The following CRBN variants were observed in gnomAD, a reference collection of about 807,000 sequenced individuals.
The protein encoded by CRBN is protein cereblon.
Under a neutral mutation model 62.2 loss-of-function variants are expected in CRBN, and 53 were observed. The observed-to-expected ratio is 0.85, with a 90% CI of 0.68 to 1.07. The LOEUF (loss-of-function observed/expected upper bound fraction) is 1.07. Among genes scored for constraint, CRBN ranks in the 50% least tolerant of loss-of-function variants. The pLI is 0.00. For synonymous variants in CRBN, 208 were observed against 176.1 expected, an observed-to-expected ratio of 1.18 and a Z score of -1.43; for missense variants, 616 against 531.1, an observed-to-expected ratio of 1.16 and a Z score of -1.57.
At chr3:3,154,994 C>A in intron 6 of CRBN, 163 bp from the exon 7 acceptor site, 1 of 633,844 alleles carries the variant, frequency 1.6e-6, no homozygotes, top group African/African-American at 1.8e-5. Context: ...AATGATCAAG[C>A]TCCAGCTCCT....
At position 3,174,169 on chromosome 3, in the gene CRBN, C is replaced by A; in HGVS notation, c.267G>T (p.Met89Ile). The A allele has an allele frequency of 6.2e-7, 1 of 1,614,172 alleles. No homozygotes were observed. Among genetic ancestry groups the A allele is most frequent in the South Asian group, 1.1e-5 (1 of 91,084 alleles). The change falls in exon 3 of 11, where the codon ATG (methionine) becomes ATT (isoleucine). Residue 89 changes from methionine (M) to isoleucine (I), a missense_variant. Coordinates refer to ENST00000231948, the MANE Select transcript of CRBN (RefSeq NM_016302.4). ...GTAATGTCTGTCCGGGAATCAGGAT[C>A]ATCATCACTTGTGGAAGAACTGGAA... ...QVIPVLPQVM[M>I]ILIPGQTLPL...
intron 10 of CRBN, among the ~76,000 whole-genome samples, chr3:3,152,077 A>C (rs1359013213): frequency 6.6e-6 from 1 of 152,098 alleles, no homozygotes; most frequent in African/African-American, 2.4e-5. Flanking sequence ...TCTTCCTTTC[A>C]TTCAATGATA....
chr3:3,165,773 AC>A (rs1159767285), intron 5 of CRBN, among the ~76,000 whole-genome samples: 1 of 151,930 alleles, frequency 6.6e-6, no homozygotes, highest in Admixed American at 6.6e-5. Context: ...GTATGCCTGT[AC>A]CCCCTGAAAA....
In CRBN at chr3:3,176,778, A is replaced by T. The variant is rs370103132; in HGVS notation, c.68-1509T>A. ...AAAATTTTGCAATCATTTGCATACT[A>T]TTTTGCTTAATTTTAAATTTAAAAA... On this transcript the variant is annotated intron_variant, in intron 1 of 10. Transcript: ENST00000231948. Among the ~76,000 whole-genome samples, 331 of 152,326 alleles carry T rather than the reference A, an allele frequency of 2.2e-3. 1 individual carries two copies. Among genetic ancestry groups the T allele is most frequent in the African/African-American group, 7.4e-3 (307 of 41,580 alleles).
chr3:3,151,709 A>G (rs930300317), intron 10 of CRBN, among the ~76,000 whole-genome samples: 1 of 152,212 alleles, frequency 6.6e-6, no homozygotes, highest in African/African-American at 2.4e-5. Context: ...CAAGATACAT[A>G]GTCCTAACCC....
chr3:3,163,025 T>C (rs527787216), intron 5 of CRBN, among the ~76,000 whole-genome samples: 2 of 152,338 alleles, frequency 1.3e-5, no homozygotes, highest in African/African-American at 4.8e-5. Context: ...CTACCAAAGA[T>C]ATCTGCCATC....
At chr3:3,168,461 C>T (rs536996867) in intron 4 of CRBN, among the ~76,000 whole-genome samples, 1 of 152,234 alleles carries the variant, frequency 6.6e-6, no homozygotes, top group African/African-American at 2.4e-5. Context: ...TTGCAAACAT[C>T]TTATCATGAA....
chr3:3,167,437 G>T (rs1261680310), intron 5 of CRBN, 197 bp downstream of exon 5: 4 of 565,222 alleles, frequency 7.1e-6, no homozygotes, highest in Non-Finnish European at 1.3e-5. Flanking sequence ...ACAGCTGTGT[G>T]ACATTTTATT....
intron 4 of CRBN, among the ~76,000 whole-genome samples, chr3:3,168,381 T>C (rs1252685284): frequency 3.3e-5 from 5 of 152,136 alleles, no homozygotes; most frequent in African/African-American, 2.4e-5. Context: ...ATAAATTAGA[T>C]TTTTTCTTAA....
chr3:3,170,728 G>T (rs1372073385), intron 4 of CRBN, among the ~76,000 whole-genome samples: 1 of 152,170 alleles, frequency 6.6e-6, no homozygotes, highest in Non-Finnish European at 1.5e-5. Context: ...CTTATGAGAG[G>T]CCTTAATAAT....
chr3:3,153,710 G>A (rs953762977), intron 8 of CRBN: 1 of 613,962 alleles, frequency 1.6e-6, no homozygotes, highest in Non-Finnish European at 2.9e-6. Context: ...CTTCTCTAGA[G>A]TAAAGGAATA....
At chr3:3,179,696 A>G (rs769694833), upstream of CRBN, 60 of 1,612,654 alleles carry the variant, frequency 3.7e-5, no homozygotes, top group East Asian at 1.3e-3. Context: ...ATGTCTGTTT[A>G]CCCGCAAAGG....
intron 5 of CRBN, among the ~76,000 whole-genome samples, chr3:3,157,662 G>A (rs1305182677): frequency 6.6e-6 from 1 of 152,118 alleles, no homozygotes; most frequent in Non-Finnish European, 1.5e-5. Flanking sequence ...AAAGGGACTC[G>A]GGACTGAGCT....
downstream of CRBN, chr3:3,149,819 T>TTGAG (rs1319897713): frequency 6.6e-6 from 1 of 152,102 alleles, no homozygotes; most frequent in African/African-American, 2.4e-5. Context: ...ATTACTACAT[T>TTGAG]TGAGTAAACA....
At chr3:3,179,048 A>G (rs553702284) in intron 1 of CRBN, among the ~76,000 whole-genome samples, 1 of 152,360 alleles carries the variant, frequency 6.6e-6, no homozygotes, top group South Asian at 2.1e-4. Context: ...GTTTAGAGAT[A>G]TAATGACAGA....
At chr3:3,168,486 A>G (rs937894868) in intron 4 of CRBN, among the ~76,000 whole-genome samples, 9 of 152,172 alleles carry the variant, frequency 5.9e-5, no homozygotes, top group Admixed American at 2.0e-4. Context: ...TGCAAACAGG[A>G]AGGTTGTATC....
At chr3:3,160,928 G>C (rs1423061565) in intron 5 of CRBN, among the ~76,000 whole-genome samples, 2 of 152,210 alleles carry the variant, frequency 1.3e-5, no homozygotes, top group Admixed American at 6.5e-5. Context: ...TAGGACAATA[G>C]GGAGCCATCT....
chr3:3,173,478 G>T (rs1342845431), intron 3 of CRBN, among the ~76,000 whole-genome samples: 1 of 152,158 alleles, frequency 6.6e-6, no homozygotes, highest in Non-Finnish European at 1.5e-5. Flanking sequence ...ACTTACAGGG[G>T]TTTAAACTCA....
Position 3,153,819 on chromosome 3 carries a change from G to T in CRBN, c.951+141C>A, listed in dbSNP as rs543393135. 3 of 677,950 alleles carry T rather than the reference G, an allele frequency of 4.4e-6. No individual in the cohort carries two copies. In the African/African-American group the frequency reaches 5.4e-5, roughly 12 times the overall value. 42.0% of individuals were successfully genotyped at this position (677,950 alleles called of 1,614,324 possible). On this transcript the variant is annotated intron_variant, in intron 8 of 10. Transcript: ENST00000231948. Reference sequence around the variant, plus strand: ...TTGACAAACACAAAACAATGAGTTTGTTTGTAAGATCCCAATTGAAATCTG... The same window carrying T: ...TTGACAAACACAAAACAATGAGTTTTTTTGTAAGATCCCAATTGAAATCTG...
Sources: allele counts gnomAD v4.1 joint callset (sites outside exome capture counted in the v4.1 genomes callset), GRCh38; gene constraint gnomAD v4.1.1; transcripts MANE v1.5; gene names NCBI Gene and HGNC (gene_info 2026-07-23, HGNC 2026-07-21).